Variants in ASH1L observed in about 807,000 individuals in gnomAD.
ASH1L encodes histone-lysine N-methyltransferase ASH1L.
A neutral mutation model predicts 269.0 loss-of-function variants in ASH1L; 23 were observed. That is an observed-to-expected ratio of 0.09 (90% confidence interval 0.06 to 0.12). The LOEUF (loss-of-function observed/expected upper bound fraction) is 0.12. Among genes scored for constraint, ASH1L ranks in the 10% least tolerant of loss-of-function variants. ASH1L has a pLI of 1.00. For synonymous variants in ASH1L, 1,187 were observed against 1,253.5 expected, an observed-to-expected ratio of 0.95 and a Z score of 1.12; for missense variants, 2,912 against 3,567.8, an observed-to-expected ratio of 0.82 and a Z score of 4.68.
intron 2 of ASH1L, among the ~76,000 whole-genome samples, chr1:155,513,267 CAT>C (rs1216496564): frequency 1.3e-5 from 2 of 151,668 alleles, no homozygotes; most frequent in Admixed American, 6.6e-5. Flanking sequence ...AAAAATTAAA[CAT>C]AGAATTATAA....
At chr1:155,372,927 T>A (rs1656094647) in intron 10 of ASH1L, among the ~76,000 whole-genome samples, 1 of 151,970 alleles carries the variant, frequency 6.6e-6, no homozygotes, top group Admixed American at 6.6e-5. Context: ...AAGTTAAAAA[T>A]TCTAGATGGG....
chr1:155,337,449 AAATT>A lies in ASH1L; in HGVS notation c.*207_*210del. On this transcript the variant is annotated 3_prime_UTR_variant, in exon 28 of 28. Transcript: ENST00000392403. ...CCTTAAGGTGAAGCAATGGAGAAGA[AAATT>A]AATTAACCTGAACTGTCTTGGACAG... The A allele has an allele frequency of 2.1e-6, 1 of 477,490 alleles. No individual in the cohort carries two copies. The highest frequency in any genetic ancestry group is 3.8e-5 in the East Asian group (1 of 26,654). 29.6% of individuals were successfully genotyped at this position (477,490 alleles called of 1,614,324 possible).
intron 2 of ASH1L, among the ~76,000 whole-genome samples, chr1:155,485,255 C>A (rs1348887544): frequency 2.9e-5 from 4 of 139,296 alleles, no homozygotes; most frequent in African/African-American, 7.7e-5. Context: ...GATTCCGTCT[C>A]AAAAAAAAAA....
intron 3 of ASH1L, among the ~76,000 whole-genome samples, chr1:155,472,296 A>G (rs988517034): frequency 6.6e-6 from 1 of 152,198 alleles, no homozygotes. Context: ...TCTCAAATAA[A>G]TAAAGAAGGA....
intron 6 of ASH1L, among the ~76,000 whole-genome samples, chr1:155,407,901 T>C (rs1233661844): frequency 6.6e-6 from 1 of 152,056 alleles, no homozygotes; most frequent in Non-Finnish European, 1.5e-5. Context: ...ACATTAAATA[T>C]CTAAATGGAC....
chr1:155,348,837 C>T (rs1272723401), intron 19 of ASH1L, among the ~76,000 whole-genome samples: 1 of 150,732 alleles, frequency 6.6e-6, no homozygotes, highest in African/African-American at 2.4e-5. Flanking sequence ...GCTGAGATCA[C>T]GCTATTGCGC....
At chr1:155,410,770 GAATTCTTA>G (rs1403719110) in intron 6 of ASH1L, among the ~76,000 whole-genome samples, 2 of 150,990 alleles carry the variant, frequency 1.3e-5, no homozygotes, top group Non-Finnish European at 2.9e-5. Flanking sequence ...CGTCTGGCCT[GAATTCTTA>G]AATTTTTAGT....
chr1:155,481,974 A>G lies in ASH1L; in HGVS notation c.896T>C (p.Leu299Ser). Residue 299 changes from leucine to serine, a missense_variant, in exon 3 of 28, where the codon TTG (leucine) becomes TCG (serine). Leu to Ser is a moderately radical substitution (Grantham distance 145). This residue lies in a region of ASH1L where 277 missense variants were observed against 367.7 expected (regional missense o/e 0.75). Coordinates refer to ENST00000392403, the MANE Select transcript of ASH1L (RefSeq NM_018489.3). ...KKPVFNAAVG[L>S]VNKDSVKKLG... ...TTTTTTCACAGAGTCCTTATTGACC[A>G]ATCCTACTGCTGCATTAAACACTGG... is the stretch of plus-strand genomic sequence containing the variant. The G allele has an allele frequency of 6.2e-7, 1 of 1,614,108 alleles. No homozygotes were observed. Among genetic ancestry groups the G allele is most frequent in the Non-Finnish European group, 8.5e-7 (1 of 1,180,014 alleles).
intron 1 of ASH1L, among the ~76,000 whole-genome samples, chr1:155,547,236 T>C (rs1293005517): frequency 4.0e-5 from 6 of 151,314 alleles, no homozygotes; most frequent in Non-Finnish European, 4.4e-5. Context: ...TGTTTCATCA[T>C]ATTCTTAATG....
chr1:155,398,188 T>TA (rs1288223889), intron 6 of ASH1L, among the ~76,000 whole-genome samples: 1 of 152,232 alleles, frequency 6.6e-6, no homozygotes. Flanking sequence ...CAGATATATG[T>TA]AAAAGCACTT....
chr1:155,357,245 T>C, intron 15 of ASH1L, 71 bp downstream of exon 15: 2 of 1,289,458 alleles, frequency 1.6e-6, no homozygotes, highest in Non-Finnish European at 1.1e-6. Context: ...TATAGAAGTT[T>C]CATAATTTTT....
At chr1:155,464,964 A>G (rs1022500265) in intron 3 of ASH1L, among the ~76,000 whole-genome samples, 4 of 152,184 alleles carry the variant, frequency 2.6e-5, no homozygotes, top group African/African-American at 4.8e-5. Context: ...GAAAATCTTT[A>G]TAATAAACAG....
intron 12 of ASH1L, among the ~76,000 whole-genome samples, chr1:155,362,508 T>G (rs775487596): frequency 6.6e-6 from 1 of 152,102 alleles, no homozygotes; most frequent in Non-Finnish European, 1.5e-5. Context: ...TAAAAATATG[T>G]AATATTATTA....
Position 155,389,446 on chromosome 1 carries a change from G to C in ASH1L, c.6103+6013C>G, listed in dbSNP as rs907066402. The stretch of plus-strand genomic sequence containing the variant: ...CCAGCACTTTGGAAGGACGAGGTGG[G>C]TGGATCACTTAAGGTTAGGAGTCTG... On this transcript the variant is annotated intron_variant, in intron 7 of 27. Transcript: ENST00000392403. Among the ~76,000 whole-genome samples, 6 of 152,094 alleles carry C rather than the reference G, an allele frequency of 3.9e-5. 1 individual carries two copies. Among genetic ancestry groups the C allele is most frequent in the Admixed American group, 3.9e-4 (6 of 15,248 alleles).
chr1:155,538,640 C>CT (rs1558205683), intron 1 of ASH1L, among the ~76,000 whole-genome samples: 3 of 103,574 alleles, frequency 2.9e-5, no homozygotes, highest in Admixed American at 1.4e-4. Flanking sequence ...CTGTACCCAG[C>CT]CTTTTTTTTT....
Position 155,478,492 on chromosome 1 carries a change from G to A in ASH1L, c.4378C>T (p.Leu1460Phe), listed in dbSNP as rs755282652. 6.2e-7 allele frequency: 1 copy of A among 1,614,134 alleles called. No individual in the cohort carries two copies. Among genetic ancestry groups the A allele is most frequent in the South Asian group, 1.1e-5 (1 of 91,068 alleles). Residue 1460 changes from leucine (L) to phenylalanine (F), a missense_variant, in exon 3 of 28, where the codon CTC becomes TTC. By Grantham distance (22) the Leu-to-Phe change is conservative. Coordinates refer to ENST00000392403, the MANE Select transcript of ASH1L (RefSeq NM_018489.3). This position sits in a 1 kb window ranked among gnomAD's most constrained non-coding sequence, Gnocchi z 4.6. ...CTGGGGTAGGTACTCATGGAAAGGAGGGGAGTCCTGCTGGTTGTAAGAAAG... is the reference window on the plus strand; with the variant it reads ...CTGGGGTAGGTACTCATGGAAAGGAAGGGAGTCCTGCTGGTTGTAAGAAAG... ...EAFLTTSRTP[L>F]LSMSTYPSVP... is the part of the protein sequence containing the mutation.
intron 1 of ASH1L, among the ~76,000 whole-genome samples, chr1:155,547,013 C>T (rs1234056438): frequency 8.4e-6 from 1 of 119,688 alleles, no homozygotes; most frequent in Non-Finnish European, 1.6e-5. Context: ...AGTGTAGTGA[C>T]GTGATCTTGG....
At chr1:155,416,126 AATTTT>A (rs71945741) in intron 5 of ASH1L, among the ~76,000 whole-genome samples, 80,282 of 150,292 alleles carry the variant, frequency 0.53, 24,105 homozygotes, top group Non-Finnish European at 0.68. Flanking sequence ...ACTTAGAGAA[AATTTT>A]ATTTTATTTT....
chr1:155,370,724 T>C, intron 11 of ASH1L, 53 bp downstream of exon 11: 1 of 1,612,532 alleles, frequency 6.2e-7, no homozygotes, highest in South Asian at 1.1e-5. Context: ...CCATTCTCCA[T>C]TCTAATCTTA....
Sources: allele counts gnomAD v4.1 joint callset (sites outside exome capture counted in the v4.1 genomes callset), GRCh38; gene constraint gnomAD v4.1.1; regional missense constraint gnomAD v4.1.1; non-coding constraint Gnocchi (gnomAD v3.1); transcripts MANE v1.5; gene names NCBI Gene and HGNC (gene_info 2026-07-23, HGNC 2026-07-21).